The following NCAM2 variants were observed in gnomAD, a reference collection of about 807,000 sequenced individuals.
The protein encoded by NCAM2 is N-CAM-2.
NCAM2 carries 30 observed loss-of-function variants against 98.1 expected under a neutral mutation model. The ratio of observed to expected loss-of-function variants is 0.31; its 90% CI spans 0.23 to 0.41. The LOEUF is 0.41. Among genes scored for constraint, NCAM2 ranks in the 10% least tolerant of loss-of-function variants. NCAM2 has a pLI of 1.00. For synonymous variants in NCAM2, 368 were observed against 342.4 expected, an observed-to-expected ratio of 1.07 and a Z score of -0.83; for missense variants, 867 against 1,005.8, an observed-to-expected ratio of 0.86 and a Z score of 1.87.
At chr21:21,292,778 C>T (rs1304814233) in intron 5 of NCAM2, among the ~76,000 whole-genome samples, 1 of 151,862 alleles carries the variant, frequency 6.6e-6, no homozygotes, top group Admixed American at 6.6e-5. Flanking sequence ...AAATACATTA[C>T]AGTTATCTTG....
chr21:21,198,681 C>T (rs2069099330), intron 1 of NCAM2, among the ~76,000 whole-genome samples: 1 of 152,168 alleles, frequency 6.6e-6, no homozygotes, highest in Non-Finnish European at 1.5e-5. Context: ...AAAAAACAGA[C>T]ATCGTGTGTT....
chr21:21,002,840 T>C (rs1474611328), intron 1 of NCAM2, among the ~76,000 whole-genome samples: 1 of 152,170 alleles, frequency 6.6e-6, no homozygotes, highest in Non-Finnish European at 1.5e-5. Context: ...TCCTAAATTT[T>C]AAATTTATTG....
At position 21,543,042 on chromosome 21, in the gene NCAM2, T is replaced by C. The variant is rs1236046237; in HGVS notation, c.*5085T>C. ...AAAAAAGCTTTTTTGGTATGTGAAC[T>C]GTATGCTGTGCTCAGTATGTACTGA... On this transcript the variant is annotated 3_prime_UTR_variant, in exon 18 of 18. Coordinates refer to ENST00000400546, the MANE Select transcript of NCAM2 (RefSeq NM_004540.5). 6.6e-6 allele frequency: 1 copy of C among 151,894 alleles called. No homozygotes were observed. 9.4% of individuals were successfully genotyped at this position (151,894 alleles called of 1,614,324 possible). A position where few individuals can be genotyped will look rare whatever the true frequency, so the allele number is the denominator to read the frequency against.
intron 1 of NCAM2, among the ~76,000 whole-genome samples, chr21:21,091,102 G>A (rs919539336): frequency 6.6e-6 from 1 of 152,116 alleles, no homozygotes; most frequent in African/African-American, 2.4e-5. Context: ...ATCTGAGTTC[G>A]ATGCTTGGCA....
chr21:21,075,206 A>T (rs1425599815), intron 1 of NCAM2, among the ~76,000 whole-genome samples: 1 of 152,162 alleles, frequency 6.6e-6, no homozygotes, highest in Non-Finnish European at 1.5e-5. Flanking sequence ...GAGCTATGTA[A>T]GGGATAACAT....
intron 11 of NCAM2, among the ~76,000 whole-genome samples, chr21:21,431,806 C>T (rs1193994910): frequency 6.6e-6 from 1 of 151,424 alleles, no homozygotes; most frequent in Non-Finnish European, 1.5e-5. Flanking sequence ...AGATTGTTTT[C>T]CTGGACCTCA....
At chr21:21,139,856 T>C (rs923105579) in intron 1 of NCAM2, among the ~76,000 whole-genome samples, 1 of 152,152 alleles carries the variant, frequency 6.6e-6, no homozygotes, top group Non-Finnish European at 1.5e-5. Context: ...ATTATTAAAA[T>C]TTACTCCTTT....
At chr21:21,067,229 T>G (rs2065459960) in intron 1 of NCAM2, among the ~76,000 whole-genome samples, 1 of 151,854 alleles carries the variant, frequency 6.6e-6, no homozygotes, top group Non-Finnish European at 1.5e-5. Flanking sequence ...AAAGCTGGCA[T>G]GAGAGAGAGA....
intron 6 of NCAM2, among the ~76,000 whole-genome samples, chr21:21,324,883 G>A (rs1221772541): frequency 6.6e-6 from 1 of 151,806 alleles, no homozygotes; most frequent in Non-Finnish European, 1.5e-5. Flanking sequence ...TATTTTATTA[G>A]AATATAATTG....
intron 6 of NCAM2, among the ~76,000 whole-genome samples, chr21:21,325,245 T>C (rs896574144): frequency 5.9e-5 from 9 of 152,166 alleles, no homozygotes; most frequent in Admixed American, 5.9e-4. Context: ...ATAAACCATA[T>C]AGTGAAAAAT....
chr21:21,250,446 G>A (rs1321940050), intron 1 of NCAM2, among the ~76,000 whole-genome samples: 2 of 152,044 alleles, frequency 1.3e-5, no homozygotes, highest in African/African-American at 2.4e-5. Context: ...AGCATTTCGA[G>A]GAATGCATAA....
chr21:21,280,733 T>A, intron 2 of NCAM2, 81 bp downstream of exon 2: 1 of 902,050 alleles, frequency 1.1e-6, no homozygotes. Context: ...ATTTAACTAG[T>A]TAAAAACTCA....
chr21:21,081,063 A>G (rs28391497), intron 1 of NCAM2, among the ~76,000 whole-genome samples: 8,872 of 152,056 alleles, frequency 0.058, 862 homozygotes, highest in African/African-American at 0.2. Context: ...GCGTTACTTC[A>G]CCCTGGTTCT....
At chr21:21,475,564 T>G (rs544472611) in intron 14 of NCAM2, among the ~76,000 whole-genome samples, 2 of 152,310 alleles carry the variant, frequency 1.3e-5, no homozygotes, top group Admixed American at 1.3e-4. Flanking sequence ...GGTTTCTTTC[T>G]TAACCTTACT....
chr21:21,482,194 T>C (rs1985951556), intron 15 of NCAM2, among the ~76,000 whole-genome samples: 1 of 152,146 alleles, frequency 6.6e-6, no homozygotes, highest in African/African-American at 2.4e-5. Flanking sequence ...AAACCATAAA[T>C]TAAGAATTGT....
chr21:21,147,555 G>C (rs1052715098), intron 1 of NCAM2, among the ~76,000 whole-genome samples: 2 of 150,900 alleles, frequency 1.3e-5, no homozygotes, highest in African/African-American at 4.9e-5. Context: ...CATACATGCC[G>C]TGGTATACTC....
intron 5 of NCAM2, among the ~76,000 whole-genome samples, chr21:21,316,730 G>C (rs1253211142): frequency 1.3e-5 from 2 of 151,860 alleles, no homozygotes; most frequent in Admixed American, 1.3e-4. Context: ...TTTTAGTAGA[G>C]ACAGGGTTTC....
rs1002368757 is a variant in NCAM2 at position 21,477,401 on chromosome 21, C to A, written c.2007C>A (p.Ala669=). The A allele has an allele frequency of 1.4e-5, 23 of 1,611,338 alleles. No homozygotes were observed. The highest frequency in any genetic ancestry group is 2.0e-5 in the Non-Finnish European group (23 of 1,178,272). Reference sequence around the variant, plus strand: ...GGTATGAAGTTCAGATTACAGCTGCCAATAGATTGGGATATTCTGAACCGA... The same window carrying A: ...GGTATGAAGTTCAGATTACAGCTGCAAATAGATTGGGATATTCTGAACCGA... The part of the protein sequence containing the change: ...TMGYEVQITA[A]NRLGYSEPTV... Residue 669 remains alanine (A), a synonymous_variant, in exon 15 of 18, where the codon GCC becomes GCA. Transcript: ENST00000400546.
At chr21:21,506,370 G>A (rs550848520) in intron 15 of NCAM2, among the ~76,000 whole-genome samples, 17 of 152,122 alleles carry the variant, frequency 1.1e-4, no homozygotes, top group South Asian at 4.2e-4. Context: ...TGATTTCACT[G>A]TATTGTAATG....
Sources: allele counts gnomAD v4.1 joint callset (sites outside exome capture counted in the v4.1 genomes callset), GRCh38; gene constraint gnomAD v4.1.1; transcripts MANE v1.5; gene names NCBI Gene and HGNC (gene_info 2026-07-23, HGNC 2026-07-21).